Variants in EHD4 observed in about 807,000 individuals in gnomAD.
EHD4 encodes EH domain containing 4.
EHD4 carries 37 observed loss-of-function variants against 51.0 expected under a neutral mutation model. The ratio of observed to expected loss-of-function variants is 0.73; its 90% CI spans 0.56 to 0.95. The LOEUF (loss-of-function observed/expected upper bound fraction) is 0.95, where lower values mean the gene tolerates loss of function less well. Ranked by LOEUF, EHD4 falls within the 40% of genes least tolerant of loss-of-function variation. EHD4 has a pLI of 0.00. For missense variants in EHD4, 632 were observed against 733.1 expected, an observed-to-expected ratio of 0.86 and a Z score of 1.59; for synonymous variants, 297 against 317.3, an observed-to-expected ratio of 0.94 and a Z score of 0.68.
chr15:41,972,462 C>T lies in EHD4; in HGVS notation c.33G>A (p.Gly11=). The change falls in exon 1 of 6, where the codon GGG becomes GGA. Residue 11 remains glycine, a synonymous_variant. Transcript: ENST00000220325. ...CGTCCGCGCCGCCAGCGCGTTCGCG[C>T]CCGCCCGCCTGCCGCCCCATCCAGC... is the stretch of plus-strand genomic sequence containing the variant. MFSWMGRQAG[G]RERAGGADAV... The T allele has an allele frequency of 6.4e-7, 1 of 1,553,506 alleles. No homozygotes were observed.
At chr15:41,936,813 C>T (rs1327239715) in intron 3 of EHD4, among the ~76,000 whole-genome samples, 4 of 152,206 alleles carry the variant, frequency 2.6e-5, no homozygotes, top group African/African-American at 9.7e-5. Context: ...TGGAATTTCC[C>T]GTGGCACCAG....
chr15:41,910,140 G>C (rs1387731694), intron 4 of EHD4, among the ~76,000 whole-genome samples: 2 of 152,172 alleles, frequency 1.3e-5, no homozygotes, highest in Non-Finnish European at 2.9e-5. Context: ...GTGGGGCCTG[G>C]GTGGGAGAGC....
chr15:41,942,167 A>C (rs2067776376), intron 3 of EHD4: 1 of 151,984 alleles, frequency 6.6e-6, no homozygotes, highest in Non-Finnish European at 1.5e-5. Context: ...TCCTCTCCGT[A>C]AGTCAACTCT....
Position 41,919,604 on chromosome 15 carries a change from A to G in EHD4, c.530T>C (p.Val177Ala). 2 of 1,514,388 alleles carry G rather than the reference A, an allele frequency of 1.3e-6. No individual in the cohort carries two copies. The highest frequency in any genetic ancestry group is 1.8e-6 in the Non-Finnish European group (2 of 1,132,384). The allele number at this position is 1,514,388 out of a possible 1,614,324, so 93.8% of individuals were successfully genotyped here. A position where few individuals can be genotyped will look rare whatever the true frequency, so the allele number is the denominator to read the frequency against. ...RISRGYDFCQ[V>A]LQWFAERVDR... ...CACCCTCTCGGCAAACCACTGCAGG[A>G]CCTGGCAGAAGTCATAGCCTGGGTG... Residue 177 changes from valine to alanine, a missense_variant, in exon 4 of 6, where the codon GTC becomes GCC. By Grantham distance (64) the Val-to-Ala change is moderately conservative. Transcript: ENST00000220325.
chr15:41,967,247 T>C (rs1566828804), intron 1 of EHD4, among the ~76,000 whole-genome samples: 1 of 152,176 alleles, frequency 6.6e-6, no homozygotes, highest in African/African-American at 2.4e-5. Context: ...GGCTCAGCTT[T>C]TAGGCTGCAT....
At chr15:41,916,610 A>G (rs771784915) in intron 4 of EHD4, among the ~76,000 whole-genome samples, 3 of 152,248 alleles carry the variant, frequency 2.0e-5, no homozygotes, top group Non-Finnish European at 4.4e-5. Flanking sequence ...TCAGGTAAGC[A>G]TCTGTCCATT....
At chr15:41,957,762 TGAA>T (rs2067897100) in intron 1 of EHD4, among the ~76,000 whole-genome samples, 2 of 152,220 alleles carry the variant, frequency 1.3e-5, no homozygotes, top group African/African-American at 4.8e-5. Flanking sequence ...CTGATTGCCC[TGAA>T]GAAGATTTTT....
At chr15:41,954,506 T>C (rs2067874078) in intron 1 of EHD4, among the ~76,000 whole-genome samples, 2 of 152,234 alleles carry the variant, frequency 1.3e-5, no homozygotes, top group African/African-American at 4.8e-5. Context: ...CCACAATCTG[T>C]GACTATTTCC....
rs1405610972 is a variant in EHD4, at chr15:41,919,403, C to T, written c.731G>A (p.Gly244Asp). 3 of 1,605,618 alleles carry T rather than the reference C, an allele frequency of 1.9e-6. No homozygotes were observed. The highest frequency in any genetic ancestry group is 2.6e-6 in the Non-Finnish European group (3 of 1,174,944). Residue 244 changes from glycine (G) to aspartate (D), a missense_variant, in exon 4 of 6, where the codon GGC (glycine) becomes GAC (aspartate). By Grantham distance (94) the Gly-to-Asp change is moderately conservative. Coordinates refer to ENST00000220325, the MANE Select transcript of EHD4 (RefSeq NM_139265.4). The part of the protein sequence containing the change: ...RVYGALMWSL[G>D]KVINTPEVLR... Reference sequence around the variant, plus strand: ...TACCTCGGGCGTGTTGATGACCTTGCCTAGGGACCACATGAGGGCCCCGTA... The same window carrying T: ...TACCTCGGGCGTGTTGATGACCTTGTCTAGGGACCACATGAGGGCCCCGTA...
intron 3 of EHD4, among the ~76,000 whole-genome samples, chr15:41,926,649 G>A (rs183764955): frequency 5.3e-5 from 8 of 152,330 alleles, no homozygotes; most frequent in Non-Finnish European, 1.2e-4. Context: ...CCAAAACTGT[G>A]AGTGTCCCTG....
chr15:41,966,245 A>T (rs2141010777), intron 1 of EHD4, among the ~76,000 whole-genome samples: 1 of 151,278 alleles, frequency 6.6e-6, no homozygotes, highest in South Asian at 2.1e-4. Context: ...CTTCACCACC[A>T]CTCACAGGCA....
At chr15:41,931,882 G>T (rs1236308550) in intron 3 of EHD4, among the ~76,000 whole-genome samples, 3 of 151,918 alleles carry the variant, frequency 2.0e-5, no homozygotes, top group Admixed American at 2.0e-4. Flanking sequence ...TCACCATGTT[G>T]GTCAGGCTGG....
rs56211429 is a variant in EHD4 at position 41,935,650 on chromosome 15, C to T, written c.511+7417G>A. 1.4e-3 allele frequency among the ~76,000 whole-genome samples: 216 copies of T among 152,316 alleles called. 1 individual carries two copies. Among genetic ancestry groups the T allele is most frequent in the Non-Finnish European group, 1.4e-3 (95 of 68,038 alleles). On this transcript the variant is annotated intron_variant, in intron 3 of 5. Coordinates refer to ENST00000220325, the MANE Select transcript of EHD4 (RefSeq NM_139265.4). The stretch of plus-strand genomic sequence containing the variant: ...TGTATTTTGCCCTGGTTTGCATCCA[C>T]GCCTCTTGTGGTTAACAGCACGCAC...
At chr15:41,970,836 A>G (rs1314630449) in intron 1 of EHD4, among the ~76,000 whole-genome samples, 2 of 152,196 alleles carry the variant, frequency 1.3e-5, no homozygotes, top group African/African-American at 4.8e-5. Context: ...CTTGGCCATA[A>G]CACTTTATTA....
At chr15:41,917,063 A>T (rs1360449640) in intron 4 of EHD4, among the ~76,000 whole-genome samples, 2 of 152,110 alleles carry the variant, frequency 1.3e-5, no homozygotes, top group Admixed American at 6.5e-5. Flanking sequence ...CTACGGGTTA[A>T]GGCGCTTGGC....
chr15:41,908,843 C>T (rs2067529006), intron 5 of EHD4: 1 of 152,270 alleles, frequency 6.6e-6, no homozygotes, highest in East Asian at 1.9e-4. Context: ...GAGAGGGTGA[C>T]AGAGTTTCTC....
At position 41,972,427 on chromosome 15, in the gene EHD4, G is replaced by A. The variant is rs781472901; in HGVS notation, c.68C>T (p.Thr23Met). ...GAGCGAGCGCAGCCCGCCCGTCACC[G>A]TCTGCACCGCGTCCGCGCCGCCAGC... ...ERAGGADAVQ[T>M]VTGGLRSLYL... Residue 23 changes from threonine (T) to methionine (M), a missense_variant, in exon 1 of 6, where the codon ACG becomes ATG. Physicochemically the swap from Thr to Met is moderately conservative, Grantham distance 81. Transcript: ENST00000220325. The A allele has an allele frequency of 6.3e-7, 1 of 1,599,200 alleles. No individual in the cohort carries two copies. The highest frequency in any genetic ancestry group is 8.5e-7 in the Non-Finnish European group (1 of 1,174,264).
At chr15:41,972,125 C>A in intron 1 of EHD4, 134 bp downstream of exon 1, 2 of 910,914 alleles carry the variant, frequency 2.2e-6, no homozygotes, top group South Asian at 5.4e-5. Context: ...CCGAGGGCAC[C>A]GGGCGCCGAG....
intron 4 of EHD4, among the ~76,000 whole-genome samples, chr15:41,917,170 G>T (rs1258017445): frequency 1.3e-5 from 2 of 151,782 alleles, no homozygotes; most frequent in African/African-American, 4.8e-5. Flanking sequence ...GCCTAGGCTG[G>T]AGTGCAGTGG....
Sources: gnomAD v4.1 joint callset for allele counts (sites outside exome capture counted in the v4.1 genomes callset) on GRCh38, gnomAD v4.1.1 for gene constraint, MANE v1.5 for transcripts, NCBI Gene and HGNC (gene_info 2026-07-23, HGNC 2026-07-21) for gene names.